The following TSPAN10 variants were observed in gnomAD, a reference collection of about 807,000 sequenced individuals.
The protein encoded by TSPAN10 is tetraspanin 10, also known as tetraspanin-10.
Under a neutral mutation model 15.0 loss-of-function variants are expected in TSPAN10, and 11 were observed. The observed-to-expected ratio is 0.73, with a 90% CI of 0.46 to 1.21. TSPAN10 has a LOEUF of 1.21. Ranked by LOEUF, TSPAN10 falls within the 50% of genes most tolerant of loss-of-function variation. The pLI is 0.00. For synonymous variants in TSPAN10, 241 were observed against 226.2 expected, an observed-to-expected ratio of 1.07 and a Z score of -0.59; for missense variants, 486 against 470.6, an observed-to-expected ratio of 1.03 and a Z score of -0.30.
chr17:81,641,408 C>G (rs1233521634), upstream of TSPAN10, among the ~76,000 whole-genome samples: 1 of 152,116 alleles, frequency 6.6e-6, no homozygotes, highest in Non-Finnish European at 1.5e-5. Context: ...GAGTGGCCTT[C>G]AAGGCCTCAC....
chr17:81,646,120 G>A (rs58136184), intron 2 of TSPAN10: 9,977 of 235,840 alleles, frequency 0.042, 349 homozygotes, highest in East Asian at 0.21. Flanking sequence ...TGCTGGGCAC[G>A]ATGGCTCACA....
upstream of TSPAN10, chr17:81,638,286 A>G (rs980436936): frequency 1.3e-5 from 2 of 150,468 alleles, no homozygotes; most frequent in Non-Finnish European, 3.0e-5. Flanking sequence ...CAGGGATCAG[A>G]GTTTTTTGTT....
chr17:81,638,868 A>C (rs2036148623), upstream of TSPAN10: 1 of 152,164 alleles, frequency 6.6e-6, no homozygotes, highest in Admixed American at 6.6e-5. Flanking sequence ...GGAGGTTTAG[A>C]ATCTTGTAGC....
intron 1 of TSPAN10, 89 bp downstream of exon 2, chr17:81,642,537 C>G: frequency 7.3e-7 from 1 of 1,364,356 alleles, no homozygotes; most frequent in South Asian, 1.4e-5. Context: ...GGTTCACACC[C>G]ACCCCTGCCC....
intron 1 of TSPAN10, among the ~76,000 whole-genome samples, chr17:81,644,779 C>T: frequency 6.6e-6 from 1 of 152,260 alleles, no homozygotes; most frequent in South Asian, 2.1e-4. Context: ...AGCTGGGACC[C>T]TCACTGCCCC....
chr17:81,647,455 A>T (rs9906358), intron 2 of TSPAN10: 1 of 462,382 alleles, frequency 2.2e-6, no homozygotes, highest in Admixed American at 2.3e-5. Flanking sequence ...TGTCACTGCC[A>T]GGTACTGCCT....
chr17:81,644,245 A>G (rs62075722), intron 1 of TSPAN10, among the ~76,000 whole-genome samples: 112,026 of 151,764 alleles, frequency 0.74, 42,470 homozygotes, highest in East Asian at 1. Flanking sequence ...GAGACCAGCA[A>G]GCCTTTCCTG....
chr17:81,647,228 C>T (rs1035711032), intron 2 of TSPAN10, among the ~76,000 whole-genome samples: 4 of 152,144 alleles, frequency 2.6e-5, no homozygotes, highest in Non-Finnish European at 4.4e-5. Flanking sequence ...CGTGATGCCA[C>T]GTCTGCTGCT....
upstream of TSPAN10, chr17:81,637,649 T>G (rs996111350): frequency 1.4e-5 from 6 of 444,070 alleles, no homozygotes; most frequent in African/African-American, 1.2e-4. Context: ...AAATACAAAA[T>G]TAGGCCATAC....
At chr17:81,648,284 C>T in exon 3 of TSPAN10, 4 of 1,210,384 alleles carry the variant, frequency 3.3e-6, no homozygotes, top group Non-Finnish European at 4.1e-6. Flanking sequence ...GCCAAGCCCG[C>T]CCGGGGCTGA....
upstream of TSPAN10, among the ~76,000 whole-genome samples, chr17:81,641,510 C>T (rs886148828): frequency 1.3e-5 from 2 of 152,052 alleles, no homozygotes; most frequent in African/African-American, 4.8e-5. Context: ...TAAAACTTGC[C>T]CGGTGTGCTC....
chr17:81,648,013 C>G (rs764110887), exon 3 of TSPAN10: 1 of 1,609,160 alleles, frequency 6.2e-7, no homozygotes, highest in South Asian at 1.1e-5. Flanking sequence ...CTTCGGGGTC[C>G]TGCGCCTGGA....
At chr17:81,642,994 AT>A (rs1174218744) in intron 1 of TSPAN10, among the ~76,000 whole-genome samples, 1 of 77,212 alleles carries the variant, frequency 1.3e-5, no homozygotes, top group Non-Finnish European at 2.2e-5. Flanking sequence ...TCTACAAAAT[AT>A]TATATATATA....
chr17:81,639,741 G>A (rs773240594), upstream of TSPAN10, among the ~76,000 whole-genome samples: 24 of 151,720 alleles, frequency 1.6e-4, no homozygotes, highest in Middle Eastern at 3.4e-3. Context: ...CACTTTGAGA[G>A]GCCGAGGCAG....
At chr17:81,648,109 G>C (rs774291870) in exon 3 of TSPAN10, 10 of 1,568,504 alleles carry the variant, frequency 6.4e-6, no homozygotes, top group South Asian at 1.2e-5. Flanking sequence ...GGCTGCCTCG[G>C]GCGGCTACGC....
At chr17:81,647,454 C>G (rs975359677) in intron 2 of TSPAN10, 1 of 463,406 alleles carries the variant, frequency 2.2e-6, no homozygotes, top group Non-Finnish European at 4.3e-6. Context: ...CTGTCACTGC[C>G]AGGTACTGCC....
At chr17:81,642,353 G>C, upstream of TSPAN10, 1 of 1,605,610 alleles carries the variant, frequency 6.2e-7, no homozygotes, top group Non-Finnish European at 8.5e-7. Context: ...CCCAGCCACA[G>C]AGGAGCCAGC....
At position 81,643,337 on chromosome 17, in the gene TSPAN10, C is replaced by T. The variant is rs548390384; in HGVS notation, c.36+889C>T. On this transcript the variant is annotated intron_variant, in intron 1 of 2. Transcript: ENST00000611590. ...TTAAAAAATTACCGGGACGGCCGGG[C>T]GCGGTGGCTCACGCCTGTAATCCCA... is the stretch of plus-strand genomic sequence containing the variant. Among the ~76,000 whole-genome samples, 160 of 94,254 alleles carry T rather than the reference C, an allele frequency of 1.7e-3. 33 individuals carry two copies. Among genetic ancestry groups the T allele is most frequent in the Non-Finnish European group, 2.4e-3 (123 of 52,136 alleles). The allele number at this position is 94,254 out of a possible 152,430, so 61.8% of individuals were successfully genotyped here. A position where few individuals can be genotyped will look rare whatever the true frequency, so the allele number is the denominator to read the frequency against.
intron 1 of TSPAN10, among the ~76,000 whole-genome samples, chr17:81,644,246 G>A (rs2036213009): frequency 1.3e-5 from 2 of 152,126 alleles, no homozygotes; most frequent in Non-Finnish European, 2.9e-5. Context: ...AGACCAGCAA[G>A]CCTTTCCTGC....
Sources: gnomAD v4.1 joint callset for allele counts (sites outside exome capture counted in the v4.1 genomes callset) on GRCh38, gnomAD v4.1.1 for gene constraint, MANE v1.5 for transcripts, NCBI Gene and HGNC (gene_info 2026-07-23, HGNC 2026-07-21) for gene names.